Variants in LRRIQ1 observed in about 807,000 individuals in gnomAD.
LRRIQ1 encodes leucine rich repeats and IQ motif containing 1, also known as leucine-rich repeat- and IQ domain-containing protein 1.
LRRIQ1 carries 210 observed loss-of-function variants against 211.9 expected under a neutral mutation model. The ratio of observed to expected loss-of-function variants is 0.99; its 90% CI spans 0.89 to 1.11. LRRIQ1 has a LOEUF of 1.11. Ranked by LOEUF, LRRIQ1 falls within the 50% of genes most tolerant of loss-of-function variation. The pLI is 0.00. For synonymous variants in LRRIQ1, 699 were observed against 650.1 expected (o/e 1.08, Z -1.14); for missense variants, 2,136 against 1,939.5 (o/e 1.10, Z -1.90).
intron 11 of LRRIQ1, among the ~76,000 whole-genome samples, chr12:85,090,378 A>G (rs1193659164): frequency 2.0e-5 from 3 of 152,138 alleles, no homozygotes; most frequent in African/African-American, 4.8e-5. Context: ...CAGACTCAAG[A>G]ATTGTAGATC....
chr12:85,118,067 G>A (rs1188262088), intron 15 of LRRIQ1, among the ~76,000 whole-genome samples: 1 of 152,020 alleles, frequency 6.6e-6, no homozygotes, highest in Non-Finnish European at 1.5e-5. Flanking sequence ...GATTATCCCT[G>A]GTGATTATCT....
At chr12:85,111,347 A>T (rs966172794) in intron 15 of LRRIQ1, among the ~76,000 whole-genome samples, 2 of 152,040 alleles carry the variant, frequency 1.3e-5, no homozygotes, top group Admixed American at 1.3e-4. Flanking sequence ...GGTTCCATTC[A>T]TGTAACTGGT....
At chr12:85,163,071 C>A (rs899192408) in intron 24 of LRRIQ1, among the ~76,000 whole-genome samples, 2 of 152,192 alleles carry the variant, frequency 1.3e-5, no homozygotes, top group Non-Finnish European at 2.9e-5. Context: ...GAATTATTCA[C>A]TTCACAGAAT....
intron 11 of LRRIQ1, among the ~76,000 whole-genome samples, chr12:85,086,859 A>C (rs909951665): frequency 2.6e-5 from 4 of 151,940 alleles, no homozygotes; most frequent in African/African-American, 9.7e-5. Flanking sequence ...TTACAGGGGG[A>C]GTAGAAGCCC....
rs185743134 is a variant in LRRIQ1 at position 85,193,157 on chromosome 12, A to G, written c.4822+32443A>G. On this transcript the variant is annotated intron_variant, in intron 24 of 26. Transcript: ENST00000393217. ...TTTATATATGGGACCATATATTTAT[A>G]TATATGGGACTATGTGAAAAGACCA... Among the ~76,000 whole-genome samples, 217 of 120,560 alleles carry G rather than the reference A, an allele frequency of 1.8e-3. 5 individuals carry two copies. The East Asian group carries it at 0.048, about 27-fold the overall frequency. The allele number at this position is 120,560 out of a possible 152,430, so 79.1% of individuals were successfully genotyped here.
At chr12:85,086,013 G>C (rs1447642785) in intron 11 of LRRIQ1, among the ~76,000 whole-genome samples, 1 of 152,122 alleles carries the variant, frequency 6.6e-6, no homozygotes, top group Non-Finnish European at 1.5e-5. Flanking sequence ...TCTCTAAACT[G>C]TTTGAACAGT....
intron 15 of LRRIQ1, among the ~76,000 whole-genome samples, chr12:85,114,325 A>G (rs1887413854): frequency 6.6e-6 from 1 of 152,112 alleles, no homozygotes; most frequent in Admixed American, 6.6e-5. Context: ...GATTCAGAGC[A>G]CGTCCTTTTA....
At chr12:85,250,959 ATAT>A (rs1895922182) in intron 1 of LRRIQ1, among the ~76,000 whole-genome samples, 1 of 110,490 alleles carries the variant, frequency 9.1e-6, no homozygotes, top group Non-Finnish European at 1.7e-5. Context: ...TATATATTAT[ATAT>A]TATATTATAT....
chr12:85,160,587 G>C (rs1298744874), intron 23 of LRRIQ1, 26 bp from the exon 24 acceptor site: 1 of 1,404,026 alleles, frequency 7.1e-7, no homozygotes, highest in Non-Finnish European at 1.0e-6. Flanking sequence ...GATGAACTCT[G>C]CTCCTTTCTT....
At chr12:85,262,061 T>C (rs1176192854) in intron 1 of LRRIQ1, among the ~76,000 whole-genome samples, 1 of 152,196 alleles carries the variant, frequency 6.6e-6, no homozygotes, top group Non-Finnish European at 1.5e-5. Flanking sequence ...GTGCTGGGAT[T>C]ACAGGCGTAA....
At chr12:85,047,541 T>C in intron 6 of LRRIQ1, 71 bp downstream of exon 6, 1 of 1,320,790 alleles carries the variant, frequency 7.6e-7, no homozygotes, top group Non-Finnish European at 1.1e-6. Context: ...ATATTTGGAT[T>C]GTGTTGCAGA....
chr12:85,065,249 T>C lies in LRRIQ1; in HGVS notation c.2392-13T>C. 1 of 1,596,948 alleles carries C rather than the reference T, an allele frequency of 6.3e-7. No homozygotes were observed. The highest frequency in any genetic ancestry group is 8.5e-7 in the Non-Finnish European group (1 of 1,171,808). ...AATAACACTACACACTCCAATTTTCTTGGTTCCTCTAGGTTACAACAGTTA... is the reference window on the plus strand; with the variant it reads ...AATAACACTACACACTCCAATTTTCCTGGTTCCTCTAGGTTACAACAGTTA... On this transcript the variant is annotated splice_polypyrimidine_tract_variant and intron_variant, in intron 8 of 26. Coordinates refer to ENST00000393217, the MANE Select transcript of LRRIQ1 (RefSeq NM_001079910.2).
chr12:85,198,180 T>TTTATAG (rs936784517), intron 24 of LRRIQ1, among the ~76,000 whole-genome samples: 5 of 131,226 alleles, frequency 3.8e-5, no homozygotes, highest in Non-Finnish European at 7.7e-5. Context: ...TATATTTATA[T>TTTATAG]ATATATATTT....
At chr12:85,140,135 C>T (rs1387277052) in intron 19 of LRRIQ1, among the ~76,000 whole-genome samples, 1 of 151,210 alleles carries the variant, frequency 6.6e-6, no homozygotes, top group Non-Finnish European at 1.5e-5. Context: ...CAATGTTTTT[C>T]AAAACTGAAT....
intron 10 of LRRIQ1, among the ~76,000 whole-genome samples, chr12:85,070,697 C>G (rs916641461): frequency 1.3e-5 from 2 of 151,856 alleles, no homozygotes; most frequent in Admixed American, 6.6e-5. Flanking sequence ...CGTTTTGATA[C>G]TCTAATTGTT....
chr12:85,137,921 C>A lies in LRRIQ1; in HGVS notation c.4281C>A (p.Ser1427=). The A allele has an allele frequency of 6.5e-7, 1 of 1,534,958 alleles. No homozygotes were observed. The highest frequency in any genetic ancestry group is 9.0e-7 in the Non-Finnish European group (1 of 1,113,412). ...TALEAIKNEE[S]DEEYREIDLE... ...TAGAGGCTATTAAGAATGAAGAATC[C>A]GATGAAGAATACAGAGAAATAGATT... Residue 1427 remains serine, a synonymous_variant, in exon 19 of 27, where the codon TCC becomes TCA. Transcript: ENST00000393217.
At chr12:85,103,629 T>A (rs545226391) in intron 13 of LRRIQ1, among the ~76,000 whole-genome samples, 58 of 151,820 alleles carry the variant, frequency 3.8e-4, no homozygotes, top group South Asian at 2.3e-3. Context: ...TGTAAATTCT[T>A]TGTAAATTTG....
At chr12:85,156,731 A>G (rs1890569625) in intron 23 of LRRIQ1, among the ~76,000 whole-genome samples, 1 of 151,858 alleles carries the variant, frequency 6.6e-6, no homozygotes, top group Non-Finnish European at 1.5e-5. Flanking sequence ...TTACATAGAC[A>G]ACTTGCCAAC....
intron 24 of LRRIQ1, among the ~76,000 whole-genome samples, chr12:85,171,847 C>T (rs1891435603): frequency 1.3e-5 from 2 of 152,154 alleles, no homozygotes; most frequent in African/African-American, 4.8e-5. Flanking sequence ...AGAAACCTCA[C>T]CTTCCAGCAC....
Sources: gnomAD v4.1 joint callset for allele counts (sites outside exome capture counted in the v4.1 genomes callset) on GRCh38, gnomAD v4.1.1 for gene constraint, MANE v1.5 for transcripts, NCBI Gene and HGNC (gene_info 2026-07-23, HGNC 2026-07-21) for gene names.